CLRN1: variants seen among roughly 807,000 people sequenced by gnomAD.
CLRN1 encodes the protein clarin 1.
CLRN1 carries 15 observed loss-of-function variants against 18.7 expected under a neutral mutation model. The observed-to-expected ratio is 0.80, with a 90% confidence interval of 0.54 to 1.23. The LOEUF is 1.23. Among genes scored for constraint, CLRN1 ranks in the 50% most tolerant of loss-of-function variants. CLRN1 has a pLI of 0.00. For missense variants in CLRN1, 311 were observed against 277.5 expected (o/e 1.12, Z -0.86); for synonymous variants, 104 against 102.9 (o/e 1.01, Z -0.07).
chr3:150,942,987 A>G (rs1039223296), intron 1 of CLRN1, among the ~76,000 whole-genome samples: 4 of 152,192 alleles, frequency 2.6e-5, no homozygotes, highest in Non-Finnish European at 5.9e-5. Flanking sequence ...CACCAGACAC[A>G]CAAGGGAAGA....
intron 2 of CLRN1, among the ~76,000 whole-genome samples, chr3:150,931,738 A>G (rs1041416092): frequency 3.9e-5 from 6 of 152,226 alleles, no homozygotes; most frequent in African/African-American, 1.4e-4. Flanking sequence ...CACAAACGGT[A>G]GGATCAGTCC....
intron 1 of CLRN1, among the ~76,000 whole-genome samples, chr3:150,948,376 C>T (rs914453365): frequency 3.3e-4 from 47 of 141,672 alleles, no homozygotes; most frequent in African/African-American, 6.4e-4. Context: ...CCCAGCTACT[C>T]GGGAGGCTGA....
At chr3:150,952,280 C>T (rs1338144599) in intron 1 of CLRN1, among the ~76,000 whole-genome samples, 2 of 152,060 alleles carry the variant, frequency 1.3e-5, no homozygotes, top group South Asian at 2.1e-4. Context: ...TAGTAATAAG[C>T]GATAAGAAAC....
chr3:150,952,623 TA>T (rs1714550939), intron 1 of CLRN1, among the ~76,000 whole-genome samples: 1 of 152,184 alleles, frequency 6.6e-6, no homozygotes, highest in Non-Finnish European at 1.5e-5. Context: ...TGGTTTTTAC[TA>T]GCAGTTATTA....
chr3:150,942,500 A>G, intron 1 of CLRN1: 1 of 366,082 alleles, frequency 2.7e-6, no homozygotes, highest in Non-Finnish European at 5.5e-6. Flanking sequence ...AATTCTGTTC[A>G]TTTTAGTTCC....
intron 2 of CLRN1, among the ~76,000 whole-genome samples, chr3:150,929,538 T>G (rs1035394948): frequency 6.6e-6 from 1 of 152,238 alleles, no homozygotes; most frequent in Non-Finnish European, 1.5e-5. Context: ...TAGGCAATTT[T>G]AATATTCAGG....
chr3:150,954,727 GT>G (rs1714655242), intron 1 of CLRN1, among the ~76,000 whole-genome samples: 1 of 152,176 alleles, frequency 6.6e-6, no homozygotes, highest in South Asian at 2.1e-4. Context: ...TCTCCTTGAA[GT>G]TTTTAGTTCT....
In CLRN1 at chr3:150,928,193, C is replaced by A; in HGVS notation, c.442G>T (p.Gly148Cys). 1 of 1,614,010 alleles carries A rather than the reference C, an allele frequency of 6.2e-7. No individual in the cohort carries two copies. Among genetic ancestry groups the A allele is most frequent in the Non-Finnish European group, 8.5e-7 (1 of 1,179,982 alleles). Residue 148 changes from glycine (G) to cysteine (C), a missense_variant, in exon 3 of 3, where the codon GGC becomes TGC. Coordinates refer to ENST00000327047, the MANE Select transcript of CLRN1 (RefSeq NM_174878.3). ...YLLSFISGSC[G>C]CLVMILFASE... ...GCAAACAATATCATGACAAGACAGC[C>A]ACAGGAGCCTGCAACAGAAGAAACA...
intron 1 of CLRN1, among the ~76,000 whole-genome samples, chr3:150,953,073 T>A (rs1346206150): frequency 2.0e-5 from 3 of 152,194 alleles, no homozygotes; most frequent in Non-Finnish European, 4.4e-5. Context: ...ACCATTCAAA[T>A]AAATACTGAG....
At chr3:150,947,122 C>T (rs150746097) in intron 1 of CLRN1, among the ~76,000 whole-genome samples, 30 of 151,838 alleles carry the variant, frequency 2.0e-4, no homozygotes, top group African/African-American at 5.8e-4. Context: ...AAAAATGATA[C>T]GGATGAATGG....
chr3:150,926,732 C>A lies in CLRN1; in HGVS notation c.*1204G>T. 1 of 1,525,868 alleles carries A rather than the reference C, an allele frequency of 6.6e-7. No homozygotes were observed. Among genetic ancestry groups the A allele is most frequent in the Non-Finnish European group, 9.1e-7 (1 of 1,101,218 alleles). 94.5% of individuals were successfully genotyped at this position (1,525,868 alleles called of 1,614,324 possible). A position where few individuals can be genotyped will look rare whatever the true frequency, so the allele number is the denominator to read the frequency against. On this transcript the variant is annotated 3_prime_UTR_variant, in exon 3 of 3. Coordinates refer to ENST00000327047, the MANE Select transcript of CLRN1 (RefSeq NM_174878.3). Reference sequence around the variant, plus strand: ...TTTCAAACCTATTATATGAGGGCTGCTGAGTACTCAGCACCTGTGGTCAGA... The same window carrying A: ...TTTCAAACCTATTATATGAGGGCTGATGAGTACTCAGCACCTGTGGTCAGA...
chr3:150,940,946 G>A (rs1713783847), intron 2 of CLRN1, among the ~76,000 whole-genome samples: 1 of 152,172 alleles, frequency 6.6e-6, no homozygotes, highest in African/African-American at 2.4e-5. Context: ...CTGCTCATAT[G>A]TGGGCGGAAC....
intron 1 of CLRN1, among the ~76,000 whole-genome samples, chr3:150,970,142 C>CT (rs1462855795): frequency 6.6e-6 from 1 of 152,140 alleles, no homozygotes; most frequent in African/African-American, 2.4e-5. Flanking sequence ...GAGGTCCCTG[C>CT]TTTTTGCTCC....
At chr3:150,972,263 A>G (rs556135118) in intron 1 of CLRN1, among the ~76,000 whole-genome samples, 193 bp downstream of exon 1, 2 of 152,332 alleles carry the variant, frequency 1.3e-5, no homozygotes, top group East Asian at 3.9e-4. Context: ...ACTCTATATT[A>G]TAATAAAAAG....
chr3:150,972,331 A>G (rs1715576907), intron 1 of CLRN1, 125 bp downstream of exon 1: 2 of 1,234,908 alleles, frequency 1.6e-6, no homozygotes, highest in Non-Finnish European at 2.3e-6. Flanking sequence ...TAGGTTTTTC[A>G]TATGGTTCAC....
intron 2 of CLRN1, among the ~76,000 whole-genome samples, chr3:150,939,197 GA>G (rs1392131381): frequency 6.6e-6 from 1 of 152,134 alleles, no homozygotes; most frequent in African/African-American, 2.4e-5. Context: ...GAGAAGACGA[GA>G]AAAGAAAAGG....
Position 150,927,337 on chromosome 3 carries a change from TGTAACTC to T in CLRN1, c.*592_*598del, listed in dbSNP as rs1158283323. 2.4e-6 allele frequency: 1 copy of T among 415,086 alleles called. No homozygotes were observed. Among genetic ancestry groups the T allele is most frequent in the Non-Finnish European group, 4.7e-6 (1 of 212,302 alleles). The allele number at this position is 415,086 out of a possible 1,614,324, so 25.7% of individuals were successfully genotyped here. On this transcript the variant is annotated 3_prime_UTR_variant, in exon 3 of 3. Coordinates refer to ENST00000327047, the MANE Select transcript of CLRN1 (RefSeq NM_174878.3). The stretch of plus-strand genomic sequence containing the variant: ...CAGGGTCTCACTTTATTGCCCAGGC[TGTAACTC>T]GAACTCCTGAACTCAAATGATCTTC...
At chr3:150,935,333 C>T (rs1271807357) in intron 2 of CLRN1, among the ~76,000 whole-genome samples, 1 of 140,774 alleles carries the variant, frequency 7.1e-6, no homozygotes, top group Non-Finnish European at 1.5e-5. Context: ...TGTGATGTTC[C>T]CCTTCCCGTG....
At chr3:150,967,877 C>T (rs1452475905) in intron 1 of CLRN1, among the ~76,000 whole-genome samples, 1 of 152,172 alleles carries the variant, frequency 6.6e-6, no homozygotes, top group East Asian at 1.9e-4. Flanking sequence ...CACCTGCTTG[C>T]TCACAGAAGT....
Sources: allele counts gnomAD v4.1 joint callset (sites outside exome capture counted in the v4.1 genomes callset), GRCh38; gene constraint gnomAD v4.1.1; transcripts MANE v1.5; gene names NCBI Gene and HGNC (gene_info 2026-07-23, HGNC 2026-07-21).